KIAA1328: variants seen among roughly 807,000 people sequenced by gnomAD.
KIAA1328 encodes KIAA1328.
Under a neutral mutation model 68.1 loss-of-function variants are expected in KIAA1328, and 52 were observed. The ratio of observed to expected loss-of-function variants is 0.76; its 90% CI spans 0.61 to 0.96. The LOEUF is 0.96. Among genes scored for constraint, KIAA1328 ranks in the 40% least tolerant of loss-of-function variants. The pLI is 0.00. For synonymous variants in KIAA1328, 232 were observed against 239.4 expected, an observed-to-expected ratio of 0.97 and a Z score of 0.28; for missense variants, 641 against 677.6, an observed-to-expected ratio of 0.95 and a Z score of 0.60.
At chr18:37,228,654 A>G (rs1161344441), downstream of KIAA1328, among the ~76,000 whole-genome samples, 2 of 152,092 alleles carry the variant, frequency 1.3e-5, no homozygotes, top group South Asian at 2.1e-4. Context: ...CCCCGTCTCT[A>G]CTAAAAAATA....
At chr18:36,955,314 C>CTT (rs60361116) in intron 5 of KIAA1328, among the ~76,000 whole-genome samples, 4 of 129,100 alleles carry the variant, frequency 3.1e-5, no homozygotes, top group African/African-American at 2.8e-5. Flanking sequence ...TTTTTCTTTT[C>CTT]TTTTTTTTTT....
At chr18:37,218,862 G>A (rs968896051) in intron 9 of KIAA1328, among the ~76,000 whole-genome samples, 5 of 152,184 alleles carry the variant, frequency 3.3e-5, no homozygotes, top group South Asian at 4.1e-4. Flanking sequence ...CATTGCTGGC[G>A]AGGAGCTGTG....
chr18:37,157,519 T>C (rs1323025372), intron 7 of KIAA1328, among the ~76,000 whole-genome samples: 2 of 152,056 alleles, frequency 1.3e-5, no homozygotes, highest in African/African-American at 2.4e-5. Context: ...GTGTAAAGAA[T>C]TACCTCATCC....
intron 5 of KIAA1328, among the ~76,000 whole-genome samples, chr18:36,941,581 A>T (rs562426479): frequency 6.6e-6 from 1 of 152,278 alleles, no homozygotes; most frequent in South Asian, 2.1e-4. Context: ...GGCGACAGAC[A>T]GAGCAAGACT....
chr18:36,915,142 T>C (rs946114549), intron 5 of KIAA1328, among the ~76,000 whole-genome samples: 3 of 152,214 alleles, frequency 2.0e-5, no homozygotes, highest in African/African-American at 4.8e-5. Flanking sequence ...TAAGGCATAC[T>C]GTAACACTAC....
intron 5 of KIAA1328, among the ~76,000 whole-genome samples, chr18:36,916,132 G>A (rs944013666): frequency 7.9e-5 from 12 of 151,874 alleles, no homozygotes; most frequent in Admixed American, 4.6e-4. Flanking sequence ...AACTATTTGG[G>A]GTAATTTCAG....
chr18:37,151,410 A>C (rs1385243547), intron 7 of KIAA1328, among the ~76,000 whole-genome samples: 1 of 152,212 alleles, frequency 6.6e-6, no homozygotes, highest in Non-Finnish European at 1.5e-5. Context: ...GTTTTATAGA[A>C]GTTGGCAAAC....
chr18:36,982,691 A>G (rs1273472359), intron 6 of KIAA1328, among the ~76,000 whole-genome samples: 2 of 152,002 alleles, frequency 1.3e-5, no homozygotes, highest in African/African-American at 2.4e-5. Context: ...TACATAAACT[A>G]ATGGCATGCA....
At chr18:36,998,498 G>T (rs1466123455) in intron 6 of KIAA1328, among the ~76,000 whole-genome samples, 2 of 152,156 alleles carry the variant, frequency 1.3e-5, no homozygotes, top group African/African-American at 4.8e-5. Context: ...ACCGATGCAG[G>T]TGCCAGGGTA....
At chr18:37,217,525 G>A (rs1226461149) in intron 9 of KIAA1328, among the ~76,000 whole-genome samples, 1 of 152,132 alleles carries the variant, frequency 6.6e-6, no homozygotes, top group Admixed American at 6.5e-5. Context: ...TAGAGTTTCT[G>A]CCGAGAGATC....
At chr18:37,182,365 ACT>A in intron 9 of KIAA1328, among the ~76,000 whole-genome samples, 1 of 152,226 alleles carries the variant, frequency 6.6e-6, no homozygotes. Flanking sequence ...AATAATTATA[ACT>A]CTGTGGTTTA....
chr18:37,101,700 C>T (rs1029576657), intron 7 of KIAA1328, among the ~76,000 whole-genome samples: 1 of 152,078 alleles, frequency 6.6e-6, no homozygotes, highest in Non-Finnish European at 1.5e-5. Flanking sequence ...AGAGCAACTC[C>T]AAGACACATA....
At chr18:37,169,188 C>CA (rs1348988421) in intron 8 of KIAA1328, among the ~76,000 whole-genome samples, 6 of 146,190 alleles carry the variant, frequency 4.1e-5, no homozygotes, top group Non-Finnish European at 8.9e-5. Flanking sequence ...TTTTTTGAGA[C>CA]AGAGTCTGGC....
intron 9 of KIAA1328, among the ~76,000 whole-genome samples, chr18:37,214,786 G>A (rs2060393464): frequency 6.6e-6 from 1 of 152,184 alleles, no homozygotes; most frequent in South Asian, 2.1e-4. Flanking sequence ...CCATGAGCAT[G>A]GAATGGTTCT....
At chr18:37,107,490 G>T (rs2057805592) in intron 7 of KIAA1328, among the ~76,000 whole-genome samples, 1 of 152,142 alleles carries the variant, frequency 6.6e-6, no homozygotes, top group Non-Finnish European at 1.5e-5. Context: ...CAGCCCATGA[G>T]CATAGAATGT....
intron 6 of KIAA1328, among the ~76,000 whole-genome samples, chr18:36,989,918 C>T (rs1164845050): frequency 6.6e-6 from 1 of 152,134 alleles, no homozygotes; most frequent in Non-Finnish European, 1.5e-5. Flanking sequence ...TGGTCTCGAT[C>T]TCCTGACCTT....
intron 7 of KIAA1328, among the ~76,000 whole-genome samples, chr18:37,070,734 C>T (rs1160032974): frequency 6.6e-6 from 1 of 151,926 alleles, no homozygotes; most frequent in Non-Finnish European, 1.5e-5. Flanking sequence ...CCATGCCCGG[C>T]TAGTTTTTAT....
At chr18:36,860,203 C>T (rs74573386) in intron 4 of KIAA1328, among the ~76,000 whole-genome samples, 448 of 152,154 alleles carry the variant, frequency 2.9e-3, no homozygotes, top group African/African-American at 0.01. Context: ...ACCATGTGGT[C>T]GTATTTTGAA....
chr18:37,101,393 G>A (rs568520051), intron 7 of KIAA1328, among the ~76,000 whole-genome samples: 19 of 152,246 alleles, frequency 1.2e-4, no homozygotes, highest in South Asian at 8.3e-4. Context: ...TAGCCGATTC[G>A]ATCAACTGGA....
Sources: allele counts gnomAD v4.1 joint callset (sites outside exome capture counted in the v4.1 genomes callset), GRCh38; gene constraint gnomAD v4.1.1; transcripts MANE v1.5; gene names NCBI Gene and HGNC (gene_info 2026-07-23, HGNC 2026-07-21).